SOD2: variants seen among roughly 807,000 people sequenced by gnomAD.
SOD2 encodes the protein superoxide dismutase [Mn], mitochondrial.
In SOD2, 11 loss-of-function variants were observed where a neutral mutation model predicts 27.0. The ratio of observed to expected loss-of-function variants is 0.41; its 90% CI spans 0.26 to 0.67. The LOEUF (loss-of-function observed/expected upper bound fraction) is 0.67. Ranked by LOEUF, SOD2 falls within the 30% of genes least tolerant of loss-of-function variation. The pLI, the probability that SOD2 is intolerant of heterozygous loss-of-function variation, is 0.34. For missense variants in SOD2, 250 were observed against 274.5 expected, an observed-to-expected ratio of 0.91 and a Z score of 0.63; for synonymous variants, 105 against 103.0, an observed-to-expected ratio of 1.02 and a Z score of -0.12.
chr6:159,762,071 G>T, exon 1 of SOD2: 1 of 1,612,606 alleles, frequency 6.2e-7, no homozygotes, highest in Non-Finnish European at 8.5e-7. Context: ...AGGGCAGACG[G>T]CGGCAGGAGA....
At position 159,712,305 on chromosome 6, in the gene SOD2, T is replaced by C. The variant is rs375395728; in HGVS notation, c.-116+14824A>G. Among the ~76,000 whole-genome samples the C allele has an allele frequency of 3.2e-3, 360 of 110,940 alleles. 1 individual carries two copies. Among genetic ancestry groups the C allele is most frequent in the East Asian group, 0.019 (53 of 2,864 alleles). The allele number at this position is 110,940 out of a possible 152,430, so 72.8% of individuals were successfully genotyped here. On this transcript the variant is annotated intron_variant, in intron 1 of 2. Coordinates refer to the SOD2 transcript ENST00000401980. ...GCTCTGATCACCATAACCACCTCCA[T>C]AACCACCACTCACACTGCTCTGATC...
intron 1 of SOD2, among the ~76,000 whole-genome samples, chr6:159,733,663 C>T (rs1181258022): frequency 6.6e-6 from 1 of 151,960 alleles, no homozygotes; most frequent in Non-Finnish European, 1.5e-5. Context: ...GCCTGTAGTC[C>T]CAGCACTTGG....
In SOD2 at chr6:159,680,011, T is replaced by C. The variant is rs1037759415; in HGVS notation, c.*2482A>G. 6 of 152,108 alleles carry C rather than the reference T, an allele frequency of 3.9e-5. No homozygotes were observed. Among genetic ancestry groups the C allele is most frequent in the Non-Finnish European group, 5.9e-5 (4 of 68,018 alleles). 9.4% of individuals were successfully genotyped at this position (152,108 alleles called of 1,614,324 possible). ...CCCTTAGTCTCTTAAAATCAATCTA[T>C]CCAGAAGACAAGAAAGACAAACTTA... On this transcript the variant is annotated 3_prime_UTR_variant, in exon 5 of 5. Transcript: ENST00000538183.
At chr6:159,749,257 A>T, upstream of SOD2, 1 of 985,790 alleles carries the variant, frequency 1.0e-6, no homozygotes, top group Non-Finnish European at 1.2e-6. Flanking sequence ...GATGAGACTC[A>T]CTGCATTATT....
chr6:159,701,569 CAA>C (rs752905908), intron 1 of SOD2, among the ~76,000 whole-genome samples: 1,436 of 77,988 alleles, frequency 0.018, 28 homozygotes, highest in African/African-American at 0.067. Flanking sequence ...GACCCTGTTT[CAA>C]AAAAAAAAAA....
upstream of SOD2, among the ~76,000 whole-genome samples, chr6:159,731,198 A>C (rs1436357617): frequency 6.6e-6 from 1 of 151,914 alleles, no homozygotes; most frequent in Non-Finnish European, 1.5e-5. Context: ...ATGGTGGCTC[A>C]CAACTGTAGT....
intron 1 of SOD2, among the ~76,000 whole-genome samples, chr6:159,738,255 C>G (rs1308915403): frequency 6.6e-6 from 1 of 152,218 alleles, no homozygotes; most frequent in Non-Finnish European, 1.5e-5. Flanking sequence ...CTCTCCATGC[C>G]TGACCCCTGG....
chr6:159,711,344 A>C (rs79990629), intron 1 of SOD2, among the ~76,000 whole-genome samples: 1 of 37,918 alleles, frequency 2.6e-5, no homozygotes, highest in East Asian at 8.5e-4. Context: ...TCTGACCTCC[A>C]TAACCACCTC....
intron 1 of SOD2, among the ~76,000 whole-genome samples, chr6:159,701,137 C>A (rs989826705): frequency 6.6e-6 from 1 of 152,136 alleles, no homozygotes; most frequent in Admixed American, 6.6e-5. Flanking sequence ...CCAGGCCAAT[C>A]CCTGGAGATT....
intron 1 of SOD2, among the ~76,000 whole-genome samples, chr6:159,708,499 T>C (rs892480416): frequency 6.6e-6 from 1 of 152,186 alleles, no homozygotes; most frequent in African/African-American, 2.4e-5. Flanking sequence ...AACAAAATCA[T>C]GAGTGAACTC....
At chr6:159,738,874 CATAAT>C (rs748664236) in intron 1 of SOD2, 8 of 622,936 alleles carry the variant, frequency 1.3e-5, no homozygotes, top group African/African-American at 3.8e-5. Flanking sequence ...TTCAAAAAAT[CATAAT>C]ATGTACTGAG....
chr6:159,731,744 T>C (rs7770630), upstream of SOD2, among the ~76,000 whole-genome samples: 32,078 of 152,070 alleles, frequency 0.21, 3,532 homozygotes, highest in East Asian at 0.4. Context: ...ATTTGGGCCC[T>C]GGTTGTGGTA....
rs1021527236 is a variant in SOD2, at chr6:159,677,270, G to A, written c.*5223C>T. On this transcript the variant is annotated 3_prime_UTR_variant, in exon 5 of 5. Coordinates refer to ENST00000538183, the MANE Select transcript of SOD2 (RefSeq NM_000636.4). Reference sequence around the variant, plus strand: ...ATGTCATAGGAACTTGAAAGCATTCGTGCTCCTTCCTTTTCACAAACTGAG... The same window carrying A: ...ATGTCATAGGAACTTGAAAGCATTCATGCTCCTTCCTTTTCACAAACTGAG... 1 of 152,086 alleles carries A rather than the reference G, an allele frequency of 6.6e-6. No homozygotes were observed. Among genetic ancestry groups the A allele is most frequent in the Non-Finnish European group, 1.5e-5 (1 of 68,016 alleles). The allele number at this position is 152,086 out of a possible 1,614,324, so 9.4% of individuals were successfully genotyped here. A position where few individuals can be genotyped will look rare whatever the true frequency, so the allele number is the denominator to read the frequency against.
chr6:159,673,667 C>CT lies in SOD2; in HGVS notation c.*8825dup. 2.0e-5 allele frequency: 3 copies of CT among 152,236 alleles called. No individual in the cohort carries two copies. The South Asian group carries it at 6.2e-4, about 32-fold the overall frequency. The allele number at this position is 152,236 out of a possible 1,614,324, so 9.4% of individuals were successfully genotyped here. A position where few individuals can be genotyped will look rare whatever the true frequency, so the allele number is the denominator to read the frequency against. ...GCAGGAAAGATCTAAAATTGACACT[C>CT]TAACATCACAATTAAAAATATTAGA... On this transcript the variant is annotated 3_prime_UTR_variant, in exon 5 of 5. Transcript: ENST00000538183.
intron 1 of SOD2, among the ~76,000 whole-genome samples, chr6:159,703,214 T>C (rs1777558422): frequency 6.6e-6 from 1 of 152,084 alleles, no homozygotes; most frequent in Admixed American, 6.6e-5. Context: ...CTTGGGAGGC[T>C]GAGGCAGGAG....
chr6:159,677,618 T>C lies in SOD2; in HGVS notation c.*4875A>G, dbSNP rs1779807051. The C allele has an allele frequency of 6.6e-6, 1 of 152,184 alleles. No homozygotes were observed. The highest frequency in any genetic ancestry group is 1.5e-5 in the Non-Finnish European group (1 of 68,030). 9.4% of individuals were successfully genotyped at this position (152,184 alleles called of 1,614,324 possible). Reference sequence around the variant, plus strand: ...AATAATCTGTGGTTGGTTAATGTTCTAAGATGTTACAAGAACTTTAAGAGA... The same window carrying C: ...AATAATCTGTGGTTGGTTAATGTTCCAAGATGTTACAAGAACTTTAAGAGA... On this transcript the variant is annotated 3_prime_UTR_variant, in exon 5 of 5. Coordinates refer to ENST00000538183, the MANE Select transcript of SOD2 (RefSeq NM_000636.4).
Position 159,705,941 on chromosome 6 carries a change from G to T in SOD2, c.-115-13078C>A, listed in dbSNP as rs1192704406. On this transcript the variant is annotated intron_variant, in intron 1 of 2. Coordinates refer to the SOD2 transcript ENST00000401980. ...CTCTCAGCAGAAACTCTACAAGCCA[G>T]AAGAGAGTGGGGGCCAATATTCAAC... is the stretch of plus-strand genomic sequence containing the variant. Among the ~76,000 whole-genome samples, 3 of 152,226 alleles carry T rather than the reference G, an allele frequency of 2.0e-5. No homozygotes were observed. The South Asian group carries it at 6.2e-4, about 32-fold the overall frequency.
In SOD2 at chr6:159,669,993, T is replaced by C. The variant is rs897536668; in HGVS notation, c.*12500A>G. On this transcript the variant is annotated 3_prime_UTR_variant, in exon 5 of 5. Coordinates refer to ENST00000538183, the MANE Select transcript of SOD2 (RefSeq NM_000636.4). ...GGTGCAGACTTTTTAAACAAATCTC[T>C]TCCCAGGAGAATCACTTGTTTTTTG... The C allele has an allele frequency of 1.8e-4, 28 of 152,236 alleles. No individual in the cohort carries two copies. The highest frequency in any genetic ancestry group is 6.3e-4 in the African/African-American group (26 of 41,466). 9.4% of individuals were successfully genotyped at this position (152,236 alleles called of 1,614,324 possible).
At chr6:159,704,302 G>A (rs939495917) in intron 1 of SOD2, among the ~76,000 whole-genome samples, 7 of 152,216 alleles carry the variant, frequency 4.6e-5, no homozygotes, top group Non-Finnish European at 1.0e-4. Context: ...GCAGAGCACT[G>A]AGTGTGAGCC....
Sources: allele counts gnomAD v4.1 joint callset (sites outside exome capture counted in the v4.1 genomes callset), GRCh38; gene constraint gnomAD v4.1.1; transcripts MANE v1.5; gene names NCBI Gene and HGNC (gene_info 2026-07-23, HGNC 2026-07-21).